The following RYR2 variants were observed in gnomAD, a reference collection of about 807,000 sequenced individuals.
The protein encoded by RYR2 is ryanodine receptor 2, also known as cardiac muscle ryanodine receptor-calcium release channel.
Under a neutral mutation model 601.1 loss-of-function variants are expected in RYR2, and 227 were observed. The ratio of observed to expected loss-of-function variants is 0.38; its 90% CI spans 0.34 to 0.42. RYR2 has a LOEUF of 0.42. RYR2 is among the 10% of genes least tolerant of loss of function. The probability of loss-of-function intolerance (pLI) is 1.00; values close to 1 mark genes in which losing one functional copy is unlikely to be tolerated. For missense variants in RYR2, 4,646 were observed against 6,156.5 expected, an observed-to-expected ratio of 0.75 and a Z score of 8.21; for synonymous variants, 2,223 against 2,175.1, an observed-to-expected ratio of 1.02 and a Z score of -0.61.
chr1:237,050,699 T>C (rs1661151361), intron 1 of RYR2, among the ~76,000 whole-genome samples: 1 of 152,162 alleles, frequency 6.6e-6, no homozygotes, highest in South Asian at 2.1e-4. Flanking sequence ...TAAACTGAAA[T>C]GATACATTTT....
intron 1 of RYR2, among the ~76,000 whole-genome samples, chr1:237,214,727 T>C (rs192401090): frequency 6.6e-6 from 1 of 152,328 alleles, no homozygotes; most frequent in Non-Finnish European, 1.5e-5. Flanking sequence ...TTTTAATGTG[T>C]AGCAAGGGTA....
At chr1:237,190,241 A>G (rs564719145) in intron 1 of RYR2, among the ~76,000 whole-genome samples, 7 of 152,154 alleles carry the variant, frequency 4.6e-5, no homozygotes, top group Admixed American at 4.6e-4. Flanking sequence ...AACAGTGCGT[A>G]GTGTTCTGAT....
chr1:237,507,649 T>C (rs79694231), intron 23 of RYR2, among the ~76,000 whole-genome samples: 1,532 of 152,370 alleles, frequency 0.01, 30 homozygotes, highest in African/African-American at 0.033. Context: ...TTTGCATTCT[T>C]GCATACAGAT....
At chr1:237,166,906 G>A (rs1274836502) in intron 1 of RYR2, among the ~76,000 whole-genome samples, 3 of 152,182 alleles carry the variant, frequency 2.0e-5, no homozygotes, top group Admixed American at 2.0e-4. Context: ...AGTCACCAGA[G>A]ATTATACTTG....
At chr1:237,641,112 T>A in intron 47 of RYR2, 110 bp downstream of exon 47, 1 of 630,450 alleles carries the variant, frequency 1.6e-6, no homozygotes, top group Non-Finnish European at 2.6e-6. Context: ...CATGCTCCAT[T>A]AAAAATAATA....
intron 79 of RYR2, among the ~76,000 whole-genome samples, chr1:237,738,000 G>C (rs1427763515): frequency 3.9e-5 from 6 of 152,132 alleles, no homozygotes; most frequent in Non-Finnish European, 7.3e-5. Context: ...GTTTTTGGAA[G>C]CTGTCTTTCC....
In RYR2 at chr1:237,678,118, G is replaced by A; in HGVS notation, c.8895+6G>A. ...AAATCAAGTTCTTTGCAAAAGTACA[G>A]TATACAATCTATCTTGTTTTTGCTT... On this transcript the variant is annotated splice_donor_region_variant and intron_variant, in intron 61 of 104. Transcript: ENST00000366574. 1.3e-6 allele frequency: 2 copies of A among 1,533,460 alleles called. No homozygotes were observed. Among genetic ancestry groups the A allele is most frequent in the African/African-American group, 1.4e-5 (1 of 73,818 alleles). 95.0% of individuals were successfully genotyped at this position (1,533,460 alleles called of 1,614,324 possible). A position where few individuals can be genotyped will look rare whatever the true frequency, so the allele number is the denominator to read the frequency against.
Position 237,132,579 on chromosome 1 carries a change from G to C in RYR2, c.48+90010G>C, listed in dbSNP as rs181283925. Reference sequence around the variant, plus strand: ...GAACTTGAAGAGAGGTCAATAAAAGGCATCCAAACCAAACACAAAGAATGG... The same window carrying C: ...GAACTTGAAGAGAGGTCAATAAAAGCCATCCAAACCAAACACAAAGAATGG... On this transcript the variant is annotated intron_variant, in intron 1 of 104. Coordinates refer to ENST00000366574, the MANE Select transcript of RYR2 (RefSeq NM_001035.3). 7.8e-4 allele frequency among the ~76,000 whole-genome samples: 119 copies of C among 152,270 alleles called. 2 individuals carry two copies. The highest frequency in any genetic ancestry group is 2.8e-3 in the African/African-American group (116 of 41,540).
chr1:237,370,917 T>G (rs933072705), intron 6 of RYR2, among the ~76,000 whole-genome samples: 30 of 152,188 alleles, frequency 2.0e-4, no homozygotes, highest in African/African-American at 7.0e-4. Context: ...GCCTCGGCCT[T>G]CCGGAGTGCT....
At chr1:237,126,124 C>A (rs759368759) in intron 1 of RYR2, among the ~76,000 whole-genome samples, 14 of 152,038 alleles carry the variant, frequency 9.2e-5, no homozygotes, top group Non-Finnish European at 1.8e-4. Context: ...GTAATCCCAG[C>A]TACTCGGGAG....
intron 54 of RYR2, among the ~76,000 whole-genome samples, chr1:237,659,037 A>G (rs1247963104): frequency 6.6e-6 from 1 of 152,234 alleles, no homozygotes; most frequent in East Asian, 1.9e-4. Context: ...GAGTTGAGAT[A>G]GTTCAAGAAC....
chr1:237,623,765 A>G lies in RYR2; in HGVS notation c.5917A>G (p.Ile1973Val), dbSNP rs780681855. 75 of 1,593,660 alleles carry G rather than the reference A, an allele frequency of 4.7e-5. No individual in the cohort carries two copies. The highest frequency in any genetic ancestry group is 6.1e-5 in the Non-Finnish European group (71 of 1,163,340). Reference sequence around the variant, plus strand: ...TCTTTCTTGTTTTTCAAACTTTCAGATCAATATGCTTCTCAATTTTAAGGA... The same window carrying G: ...TCTTTCTTGTTTTTCAAACTTTCAGGTCAATATGCTTCTCAATTTTAAGGA... ...KEFRSPPQEQ[I>V]NMLLNFKDDK... Residue 1973 changes from isoleucine to valine, a missense_variant and splice_region_variant, in exon 39 of 105, where the codon ATC (isoleucine) becomes GTC (valine). Ile to Val is a conservative substitution (Grantham distance 29). This residue lies in a region of RYR2 where 170 missense variants were observed against 184.5 expected (regional missense o/e 0.92). Coordinates refer to ENST00000366574, the MANE Select transcript of RYR2 (RefSeq NM_001035.3).
Position 237,732,114 on chromosome 1 carries a change from C to A in RYR2, c.11004C>A (p.Ile3668=), listed in dbSNP as rs1464010382. The part of the protein sequence containing the change: ...TKRVDPLHQL[I]LLFSRTALTE... Reference sequence around the variant, plus strand: ...GAGTTGATCCTCTACATCAGCTGATCCTTCTGTTTAGTCGGACAGCTTTAA... The same window carrying A: ...GAGTTGATCCTCTACATCAGCTGATACTTCTGTTTAGTCGGACAGCTTTAA... Residue 3668 remains isoleucine, a synonymous_variant, in exon 78 of 105, where the codon ATC becomes ATA. Transcript: ENST00000366574. 1 of 1,610,812 alleles carries A rather than the reference C, an allele frequency of 6.2e-7. No homozygotes were observed. The highest frequency in any genetic ancestry group is 8.5e-7 in the Non-Finnish European group (1 of 1,177,766).
At chr1:237,451,347 A>G (rs1332946579) in intron 14 of RYR2, among the ~76,000 whole-genome samples, 1 of 152,062 alleles carries the variant, frequency 6.6e-6, no homozygotes, top group Non-Finnish European at 1.5e-5. Flanking sequence ...TGAAGCCGGC[A>G]CATCACTTGA....
intron 41 of RYR2, 38 bp downstream of exon 41, chr1:237,628,118 A>C: frequency 2.5e-6 from 4 of 1,599,502 alleles, no homozygotes; most frequent in Non-Finnish European, 3.4e-6. Context: ...TGTCTCGTAA[A>C]TGTTTTCTAA....
Position 237,042,557 on chromosome 1 carries a change from G to C in RYR2, c.36G>C (p.Gln12His), listed in dbSNP as rs746811389. The change falls in exon 1 of 105, where the codon CAG (glutamine) becomes CAC (histidine). Residue 12 changes from glutamine to histidine, a missense_variant. Gln to His is a conservative substitution (Grantham distance 24, BLOSUM62 0). Coordinates refer to ENST00000366574, the MANE Select transcript of RYR2 (RefSeq NM_001035.3). The stretch of plus-strand genomic sequence containing the variant: ...GGGGCGAGGGCGAAGACGAGATCCA[G>C]TTCCTGCGAACTGTAAGCGCCGTGC... Reference protein sequence around the residue: ...ADGGEGEDEIQFLRTDDEVVL... With the variant: ...ADGGEGEDEIHFLRTDDEVVL... The C allele has an allele frequency of 1.5e-5, 19 of 1,261,812 alleles. No homozygotes were observed. The highest frequency in any genetic ancestry group is 2.1e-4 in the Middle Eastern group (1 of 4,878). The allele number at this position is 1,261,812 out of a possible 1,614,324, so 78.2% of individuals were successfully genotyped here.
chr1:237,463,445 A>G (rs1659706477), intron 16 of RYR2, among the ~76,000 whole-genome samples: 1 of 152,226 alleles, frequency 6.6e-6, no homozygotes, highest in African/African-American at 2.4e-5. Flanking sequence ...ATTCAAAGAC[A>G]TTGAAGCATG....
At chr1:237,453,799 T>C (rs1407122880) in intron 14 of RYR2, among the ~76,000 whole-genome samples, 2 of 152,208 alleles carry the variant, frequency 1.3e-5, no homozygotes, top group Non-Finnish European at 2.9e-5. Flanking sequence ...TAATATATCT[T>C]TCTTCCAAGG....
chr1:237,760,910 G>C lies in RYR2; in HGVS notation c.11403-45G>C, dbSNP rs547227888. Reference sequence around the variant, plus strand: ...GTTTGCTCTCCTGAGCAAAGAAAATGTTCTATTAGTCCTCTAAATGTTTTT... The same window carrying C: ...GTTTGCTCTCCTGAGCAAAGAAAATCTTCTATTAGTCCTCTAAATGTTTTT... On this transcript the variant is annotated intron_variant, in intron 83 of 104. Transcript: ENST00000366574. The C allele has an allele frequency of 7.6e-5, 95 of 1,255,636 alleles. No individual in the cohort carries two copies. In the South Asian group the frequency reaches 1.2e-3, roughly 15 times the overall value. The allele number at this position is 1,255,636 out of a possible 1,614,324, so 77.8% of individuals were successfully genotyped here.
Sources: allele counts gnomAD v4.1 joint callset (sites outside exome capture counted in the v4.1 genomes callset), GRCh38; gene constraint gnomAD v4.1.1; regional missense constraint gnomAD v4.1.1; transcripts MANE v1.5; gene names NCBI Gene and HGNC (gene_info 2026-07-23, HGNC 2026-07-21).